Variants in KLHL14 observed in about 807,000 individuals in gnomAD.
The protein encoded by KLHL14 is kelch like family member 14, also known as kelch-like protein 14.
KLHL14 carries 22 observed loss-of-function variants against 64.3 expected under a neutral mutation model. That is an observed-to-expected ratio of 0.34 (90% CI 0.24 to 0.49). The LOEUF is 0.49. KLHL14 is among the 20% of genes least tolerant of loss of function. The probability of loss-of-function intolerance (pLI) is 0.99; values close to 1 mark genes in which losing one functional copy is unlikely to be tolerated. For missense variants in KLHL14, 661 were observed against 789.0 expected (o/e 0.84, Z 1.94); for synonymous variants, 322 against 333.4 (o/e 0.97, Z 0.37).
chr18:32,739,225 G>A (rs532385274), intron 3 of KLHL14, among the ~76,000 whole-genome samples: 27 of 152,022 alleles, frequency 1.8e-4, no homozygotes, highest in African/African-American at 6.0e-4. Flanking sequence ...TTTCTTCTGG[G>A]GCAAAAGAAT....
At position 32,770,433 on chromosome 18, in the gene KLHL14, G is replaced by A. The variant is rs2050376777; in HGVS notation, c.159C>T (p.Ser53=). 6.2e-7 allele frequency: 1 copy of A among 1,611,092 alleles called. No homozygotes were observed. The highest frequency in any genetic ancestry group is 8.5e-7 in the Non-Finnish European group (1 of 1,178,792). ...QFHCHKAVLA[S]CSQYFRSLFS... Reference sequence around the variant, plus strand: ...AGAGCGATCGGAAGTACTGCGAGCAGGAGGCCAGCACGGCCTTGTGGCAAT... The same window carrying A: ...AGAGCGATCGGAAGTACTGCGAGCAAGAGGCCAGCACGGCCTTGTGGCAAT... The change falls in exon 2 of 9, where the codon TCC becomes TCT. Residue 53 remains serine, a synonymous_variant. Transcript: ENST00000359358. The surrounding 1 kb of genome is among the most constrained non-coding windows in gnomAD (Gnocchi z 6.7).
intron 2 of KLHL14, among the ~76,000 whole-genome samples, chr18:32,748,059 T>C (rs1260280614): frequency 6.6e-6 from 1 of 152,226 alleles, no homozygotes; most frequent in Non-Finnish European, 1.5e-5. Context: ...CGGTACTTAA[T>C]TCCACCCTAG....
intron 3 of KLHL14, among the ~76,000 whole-genome samples, chr18:32,732,964 T>G (rs1335967329): frequency 6.6e-6 from 1 of 152,186 alleles, no homozygotes; most frequent in Non-Finnish European, 1.5e-5. Context: ...GAAAACAGAA[T>G]GCTGATTGTA....
At chr18:32,760,459 CTCT>C in intron 2 of KLHL14, among the ~76,000 whole-genome samples, 1 of 152,304 alleles carries the variant, frequency 6.6e-6, no homozygotes, top group South Asian at 2.1e-4. Context: ...GCTGCTTTCT[CTCT>C]TCTTCCTCCT....
At chr18:32,752,242 G>T (rs2050257472) in intron 2 of KLHL14, among the ~76,000 whole-genome samples, 1 of 152,202 alleles carries the variant, frequency 6.6e-6, no homozygotes, top group African/African-American at 2.4e-5. Context: ...TATCTAGGAG[G>T]ATGTTATAGA....
intron 3 of KLHL14, among the ~76,000 whole-genome samples, chr18:32,701,779 G>A (rs888283151): frequency 6.6e-6 from 1 of 152,154 alleles, no homozygotes; most frequent in African/African-American, 2.4e-5. Flanking sequence ...CAGTAGAGAT[G>A]GACAGAAGGG....
At chr18:32,757,018 T>C (rs1193578510) in intron 2 of KLHL14, among the ~76,000 whole-genome samples, 1 of 152,232 alleles carries the variant, frequency 6.6e-6, no homozygotes, top group African/African-American at 2.4e-5. Flanking sequence ...CCTACCATCT[T>C]GCACTCAGAG....
intron 2 of KLHL14, among the ~76,000 whole-genome samples, chr18:32,764,137 G>A (rs1054005144): frequency 4.6e-5 from 7 of 152,224 alleles, no homozygotes; most frequent in African/African-American, 9.6e-5. Context: ...ATATGTGCCC[G>A]TTAACCTCAG....
At chr18:32,718,735 G>A (rs2050058909) in intron 3 of KLHL14, among the ~76,000 whole-genome samples, 1 of 152,118 alleles carries the variant, frequency 6.6e-6, no homozygotes. Flanking sequence ...TTTGATTTAT[G>A]ACACTAATCA....
intron 3 of KLHL14, among the ~76,000 whole-genome samples, chr18:32,706,199 T>A (rs1028264484): frequency 6.6e-6 from 1 of 152,202 alleles, no homozygotes; most frequent in African/African-American, 2.4e-5. Flanking sequence ...CAGTAAGTAC[T>A]AGAGCAGTTG....
At chr18:32,729,747 T>G (rs2050127521) in intron 3 of KLHL14, among the ~76,000 whole-genome samples, 1 of 152,236 alleles carries the variant, frequency 6.6e-6, no homozygotes, top group South Asian at 2.1e-4. Flanking sequence ...CATCTTGACT[T>G]GATTTTGTCT....
At chr18:32,741,874 G>A (rs2050200173) in intron 3 of KLHL14, 54 bp downstream of exon 3, 1 of 1,485,716 alleles carries the variant, frequency 6.7e-7, no homozygotes, top group Non-Finnish European at 9.0e-7. Flanking sequence ...CATCAAGACA[G>A]CGCTAACCTG....
At chr18:32,721,794 G>A (rs1029821061) in intron 3 of KLHL14, among the ~76,000 whole-genome samples, 2 of 152,218 alleles carry the variant, frequency 1.3e-5, no homozygotes, top group East Asian at 1.9e-4. Context: ...AAATCACAAC[G>A]ATAGTGAACC....
At chr18:32,767,053 G>C (rs1344147982) in intron 2 of KLHL14, among the ~76,000 whole-genome samples, 2 of 151,938 alleles carry the variant, frequency 1.3e-5, no homozygotes, top group Non-Finnish European at 2.9e-5. Context: ...TTTATATTTA[G>C]AGTTTAAAAA....
chr18:32,770,776 G>C lies in KLHL14; in HGVS notation c.-43-142C>G, dbSNP rs1480841956. 1.8e-6 allele frequency: 1 copy of C among 566,646 alleles called. No individual in the cohort carries two copies. Among genetic ancestry groups the C allele is most frequent in the Non-Finnish European group, 2.9e-6 (1 of 343,122 alleles). The allele number at this position is 566,646 out of a possible 1,614,324, so 35.1% of individuals were successfully genotyped here. A position where few individuals can be genotyped will look rare whatever the true frequency, so the allele number is the denominator to read the frequency against. The stretch of plus-strand genomic sequence containing the variant: ...GCTCAGCTTGACTCCCTCCTGGCGC[G>C]CTCCGGACCCCGACCCTAGGAGGAA... On this transcript the variant is annotated intron_variant, in intron 1 of 8. Transcript: ENST00000359358. This position sits in a 1 kb window ranked among gnomAD's most constrained non-coding sequence, Gnocchi z 6.7.
chr18:32,747,631 G>T (rs536733542), intron 2 of KLHL14, among the ~76,000 whole-genome samples: 1 of 152,238 alleles, frequency 6.6e-6, no homozygotes, highest in Admixed American at 6.5e-5. Context: ...AGCTTCACTC[G>T]CTTGCCCACC....
intron 4 of KLHL14, among the ~76,000 whole-genome samples, chr18:32,694,351 G>T (rs75107049): frequency 6.6e-6 from 1 of 152,138 alleles, no homozygotes; most frequent in Non-Finnish European, 1.5e-5. Flanking sequence ...TGCATTGTGC[G>T]CATGTCAGGG....
intron 2 of KLHL14, 63 bp from the exon 3 acceptor site, chr18:32,742,112 C>T (rs978488767): frequency 1.1e-5 from 17 of 1,509,084 alleles, no homozygotes; most frequent in East Asian, 2.3e-5. Flanking sequence ...TTAGTGGCAA[C>T]GAAATCATAA....
intron 3 of KLHL14, among the ~76,000 whole-genome samples, chr18:32,711,168 A>C (rs1317992369): frequency 6.6e-6 from 1 of 152,138 alleles, no homozygotes; most frequent in East Asian, 1.9e-4. Context: ...AAATAGGAAG[A>C]GTATAAACCT....
Sources: allele counts gnomAD v4.1 joint callset (sites outside exome capture counted in the v4.1 genomes callset), GRCh38; gene constraint gnomAD v4.1.1; non-coding constraint Gnocchi (gnomAD v3.1); transcripts MANE v1.5; gene names NCBI Gene and HGNC (gene_info 2026-07-23, HGNC 2026-07-21).